Variants in EXOC6 observed in about 807,000 individuals in gnomAD.
EXOC6 encodes exocyst complex component 6.
EXOC6 carries 60 observed loss-of-function variants against 112.5 expected under a neutral mutation model. That is an observed-to-expected ratio of 0.53 (90% CI 0.43 to 0.66). EXOC6 has a LOEUF of 0.66. Among genes scored for constraint, EXOC6 ranks in the 30% least tolerant of loss-of-function variants. The probability of loss-of-function intolerance (pLI) is 0.00; values close to 1 mark genes in which losing one functional copy is unlikely to be tolerated. For synonymous variants in EXOC6, 295 were observed against 308.0 expected, an observed-to-expected ratio of 0.96 and a Z score of 0.44; for missense variants, 855 against 957.1, an observed-to-expected ratio of 0.89 and a Z score of 1.41.
chr10:92,978,876 T>C (rs2134114073), intron 18 of EXOC6, among the ~76,000 whole-genome samples: 1 of 152,230 alleles, frequency 6.6e-6, no homozygotes, highest in South Asian at 2.1e-4. Flanking sequence ...AGTTAAGTGG[T>C]GGTTCTGGTT....
In EXOC6 at chr10:92,909,530, C is replaced by A. The variant is rs1850623862; in HGVS notation, c.562C>A (p.Leu188Ile). 2 of 1,613,084 alleles carry A rather than the reference C, an allele frequency of 1.2e-6. No individual in the cohort carries two copies. The highest frequency in any genetic ancestry group is 2.2e-5 in the South Asian group (2 of 91,050). ...CQLMIENLPK[L>I]REDIKEISMS... ...GCTCATGATAGAAAATCTTCCCAAA[C>A]TCCGTGAGGATATTAAAGAAATCTC... is the stretch of plus-strand genomic sequence containing the variant. Residue 188 changes from leucine to isoleucine, a missense_variant, in exon 6 of 22, where the codon CTC becomes ATC. Physicochemically the swap from Leu to Ile is conservative, Grantham distance 5 (BLOSUM62 2). Transcript: ENST00000260762.
At chr10:92,877,111 T>G (rs1366987661) in intron 1 of EXOC6, among the ~76,000 whole-genome samples, 3 of 152,168 alleles carry the variant, frequency 2.0e-5, no homozygotes, top group Admixed American at 1.3e-4. Flanking sequence ...AGTGTATGTA[T>G]TGATGTTTTG....
intron 7 of EXOC6, among the ~76,000 whole-genome samples, chr10:92,918,689 G>A (rs924248620): frequency 3.3e-5 from 5 of 152,084 alleles, no homozygotes; most frequent in African/African-American, 1.2e-4. Context: ...CTCCTAAAGT[G>A]CTGGGATTGT....
chr10:93,056,427 T>C (rs1846540675), intron 20 of EXOC6, among the ~76,000 whole-genome samples: 1 of 152,166 alleles, frequency 6.6e-6, no homozygotes, highest in Admixed American at 6.5e-5. Context: ...ATGCACTTAA[T>C]TGAGATTATC....
At chr10:92,954,899 A>G (rs910061145) in intron 16 of EXOC6, among the ~76,000 whole-genome samples, 158 bp downstream of exon 16, 1 of 152,150 alleles carries the variant, frequency 6.6e-6, no homozygotes, top group Admixed American at 6.6e-5. Context: ...TAAATTCCAG[A>G]AATGTGAGGA....
chr10:92,912,695 T>TA, intron 6 of EXOC6, among the ~76,000 whole-genome samples: 1 of 152,156 alleles, frequency 6.6e-6, no homozygotes, highest in Non-Finnish European at 1.5e-5. Flanking sequence ...TAATCAGCAG[T>TA]AACAGTTGCA....
chr10:92,999,105 C>T (rs1843633862), intron 19 of EXOC6: 1 of 324,860 alleles, frequency 3.1e-6, no homozygotes, highest in Non-Finnish European at 5.8e-6. Flanking sequence ...CTCCTGGCCT[C>T]AAGTGATCTG....
At chr10:92,862,386 G>A (rs1313874822) in intron 1 of EXOC6, among the ~76,000 whole-genome samples, 6 of 152,026 alleles carry the variant, frequency 3.9e-5, no homozygotes, top group Non-Finnish European at 8.8e-5. Flanking sequence ...ATAGTTTGAG[G>A]TAGGTCATTT....
intron 1 of EXOC6, among the ~76,000 whole-genome samples, chr10:92,864,168 C>T (rs956331660): frequency 1.3e-5 from 2 of 152,138 alleles, no homozygotes; most frequent in Admixed American, 6.5e-5. Context: ...AACAGACTCA[C>T]TGTTATATAG....
intron 1 of EXOC6, among the ~76,000 whole-genome samples, chr10:92,853,734 A>C (rs1189506566): frequency 6.6e-6 from 1 of 152,218 alleles, no homozygotes; most frequent in Non-Finnish European, 1.5e-5. Flanking sequence ...TTAGAAATTA[A>C]CTCAAAATGA....
At chr10:92,860,635 C>T (rs1170342602) in intron 1 of EXOC6, among the ~76,000 whole-genome samples, 1 of 152,116 alleles carries the variant, frequency 6.6e-6, no homozygotes, top group East Asian at 1.9e-4. Context: ...TTTCACCAGC[C>T]CTTGGCAACC....
intron 7 of EXOC6, among the ~76,000 whole-genome samples, chr10:92,917,010 C>G (rs765944458): frequency 2.7e-4 from 41 of 151,050 alleles, no homozygotes; most frequent in Non-Finnish European, 5.9e-4. Flanking sequence ...GTCGCCCAGG[C>G]TGGAGTGCAG....
chr10:92,854,607 A>G (rs910327008), intron 1 of EXOC6, among the ~76,000 whole-genome samples: 4 of 152,142 alleles, frequency 2.6e-5, no homozygotes, highest in East Asian at 1.9e-4. Flanking sequence ...TTCTGTATCT[A>G]TTGAGGTGAT....
chr10:92,895,293 C>A (rs1849689586), intron 4 of EXOC6, among the ~76,000 whole-genome samples: 1 of 145,314 alleles, frequency 6.9e-6, no homozygotes, highest in Non-Finnish European at 1.5e-5. Context: ...CTTTTGTCCC[C>A]CATAACCCTT....
chr10:92,945,051 T>G (rs1449889892), intron 13 of EXOC6, among the ~76,000 whole-genome samples: 1 of 152,212 alleles, frequency 6.6e-6, no homozygotes, highest in Non-Finnish European at 1.5e-5. Context: ...GGATTACAGG[T>G]GCGAGCCACT....
chr10:92,915,069 G>T (rs1210214376), intron 6 of EXOC6, among the ~76,000 whole-genome samples: 1 of 152,158 alleles, frequency 6.6e-6, no homozygotes, highest in East Asian at 1.9e-4. Context: ...CAAACTGTGG[G>T]CATTTTCAGT....
chr10:93,046,948 A>T (rs1231088895), intron 20 of EXOC6, among the ~76,000 whole-genome samples: 3 of 152,098 alleles, frequency 2.0e-5, no homozygotes, highest in Admixed American at 1.3e-4. Flanking sequence ...AGGAGCCTGG[A>T]TTACTTGAAG....
chr10:92,984,652 A>G (rs1454068613), intron 18 of EXOC6, among the ~76,000 whole-genome samples: 1 of 152,140 alleles, frequency 6.6e-6, no homozygotes, highest in Non-Finnish European at 1.5e-5. Context: ...TTTGCATATT[A>G]GAAAATGTCT....
At chr10:92,987,750 C>A in intron 18 of EXOC6, 1 of 449,138 alleles carries the variant, frequency 2.2e-6, no homozygotes, top group Non-Finnish European at 2.9e-6. Flanking sequence ...ATTACTTTGG[C>A]AACATCCTTG....
Sources: allele counts gnomAD v4.1 joint callset (sites outside exome capture counted in the v4.1 genomes callset), GRCh38; gene constraint gnomAD v4.1.1; transcripts MANE v1.5; gene names NCBI Gene and HGNC (gene_info 2026-07-23, HGNC 2026-07-21).